The following ENTPD1 variants were observed in gnomAD, a reference collection of about 807,000 sequenced individuals.
The protein encoded by ENTPD1 is ectonucleoside triphosphate diphosphohydrolase 1, also known as ATP diphosphohydrolase.
Under a neutral mutation model 57.0 loss-of-function variants are expected in ENTPD1, and 33 were observed. The ratio of observed to expected loss-of-function variants is 0.58; its 90% confidence interval spans 0.44 to 0.77. The LOEUF is 0.77. Among genes scored for constraint, ENTPD1 ranks in the 30% least tolerant of loss-of-function variants. The pLI, the probability that ENTPD1 is intolerant of heterozygous loss-of-function variation, is 0.00. For missense variants in ENTPD1, 501 were observed against 603.4 expected, an observed-to-expected ratio of 0.83 and a Z score of 1.78; for synonymous variants, 202 against 218.8, an observed-to-expected ratio of 0.92 and a Z score of 0.68.
chr10:95,756,580 A>T (rs1252503633), intron 1 of ENTPD1: 2 of 342,756 alleles, frequency 5.8e-6, no homozygotes, highest in African/African-American at 4.2e-5. Flanking sequence ...CAGCTGCCTC[A>T]TCTGCAGTCC....
intron 6 of ENTPD1, among the ~76,000 whole-genome samples, chr10:95,846,809 G>A (rs754823426): frequency 1.1e-4 from 17 of 151,892 alleles, no homozygotes; most frequent in Non-Finnish European, 2.2e-4. Context: ...CCAACATGGC[G>A]ACACCCCGTC....
chr10:95,759,405 AT>A (rs556659103), intron 1 of ENTPD1, among the ~76,000 whole-genome samples: 2 of 152,188 alleles, frequency 1.3e-5, no homozygotes, highest in Non-Finnish European at 2.9e-5. Context: ...CAAACTGGAG[AT>A]TTCAGATGCC....
At chr10:95,751,629 C>T (rs1217551857), upstream of ENTPD1, among the ~76,000 whole-genome samples, 2 of 151,386 alleles carry the variant, frequency 1.3e-5, no homozygotes, top group Non-Finnish European at 2.9e-5. Context: ...GCACAAGAAT[C>T]GCTTGAACCT....
chr10:95,701,308 TA>T, the ENTPD1 span, among the ~76,000 whole-genome samples: 2 of 152,264 alleles, frequency 1.3e-5, no homozygotes, highest in Middle Eastern at 3.4e-3. Flanking sequence ...AATATAAAGA[TA>T]AAAATAAAAT....
intron 1 of ENTPD1, among the ~76,000 whole-genome samples, chr10:95,739,098 T>G (rs541137532): frequency 6.6e-6 from 1 of 152,348 alleles, no homozygotes; most frequent in East Asian, 1.9e-4. Context: ...TTAAAAATAC[T>G]TTATTGTTAA....
At chr10:95,739,523 C>A (rs188677182) in intron 1 of ENTPD1, among the ~76,000 whole-genome samples, 3 of 152,348 alleles carry the variant, frequency 2.0e-5, no homozygotes, top group African/African-American at 7.2e-5. Context: ...AAGTCCTCAT[C>A]TGCTCCATTT....
chr10:95,709,140 G>C (rs185857587), upstream of ENTPD1, among the ~76,000 whole-genome samples: 503 of 152,238 alleles, frequency 3.3e-3, 2 homozygotes, highest in African/African-American at 0.011. Flanking sequence ...GAGCAATCCT[G>C]TGTACCCTCA....
chr10:95,773,489 A>G (rs1386798099), intron 1 of ENTPD1, among the ~76,000 whole-genome samples: 1 of 152,164 alleles, frequency 6.6e-6, no homozygotes, highest in Non-Finnish European at 1.5e-5. Flanking sequence ...AAACAGATTT[A>G]TGGTCATCCA....
At chr10:95,807,088 C>G (rs375498922) in intron 1 of ENTPD1, among the ~76,000 whole-genome samples, 43 of 152,208 alleles carry the variant, frequency 2.8e-4, no homozygotes, top group African/African-American at 1.0e-3. Context: ...TGTCTGCTGC[C>G]TTTTGTTCAG....
intron 1 of ENTPD1, among the ~76,000 whole-genome samples, chr10:95,728,594 T>C (rs1369404762): frequency 6.6e-6 from 1 of 152,186 alleles, no homozygotes; most frequent in African/African-American, 2.4e-5. Context: ...AGGTTTCTAG[T>C]ATTGCACTAA....
intron 1 of ENTPD1, among the ~76,000 whole-genome samples, chr10:95,734,217 A>G (rs1384021593): frequency 6.6e-6 from 1 of 152,220 alleles, no homozygotes; most frequent in Non-Finnish European, 1.5e-5. Context: ...CTATAGATGC[A>G]CTTTCCCCAG....
intron 1 of ENTPD1, among the ~76,000 whole-genome samples, chr10:95,767,333 A>G (rs1404473961): frequency 6.8e-6 from 1 of 147,688 alleles, no homozygotes; most frequent in Non-Finnish European, 1.5e-5. Context: ...AAAAAAAAAA[A>G]GAAAGAAAAA....
intron 1 of ENTPD1, among the ~76,000 whole-genome samples, chr10:95,740,166 C>T (rs778158009): frequency 9.9e-5 from 15 of 152,162 alleles, no homozygotes; most frequent in Non-Finnish European, 2.2e-4. Flanking sequence ...GTCTCTGTCA[C>T]CCAGGCTAGA....
intron 1 of ENTPD1, among the ~76,000 whole-genome samples, chr10:95,821,563 T>C (rs540224193): frequency 6.6e-6 from 1 of 152,280 alleles, no homozygotes; most frequent in South Asian, 2.1e-4. Flanking sequence ...ATCCCTGAGC[T>C]TGGGGGAAAG....
chr10:95,772,783 T>A (rs1026505567), intron 1 of ENTPD1, among the ~76,000 whole-genome samples: 1 of 152,222 alleles, frequency 6.6e-6, no homozygotes, highest in Non-Finnish European at 1.5e-5. Context: ...GGCTTTCAAT[T>A]TACTTTGCCC....
rs2098483180 is a variant in ENTPD1 at position 95,873,955 on chromosome 10, A to G, written c.*7572A>G. Among the ~76,000 whole-genome samples, 1 of 152,166 alleles carries G rather than the reference A, an allele frequency of 6.6e-6. No individual in the cohort carries two copies. The highest frequency in any genetic ancestry group is 1.5e-5 in the Non-Finnish European group (1 of 68,028). On this transcript the variant is annotated 3_prime_UTR_variant, in exon 10 of 10. Transcript: ENST00000371205. Reference sequence around the variant, plus strand: ...AGAAAAGACTGGCCTCCATGATTCAATTACCTCCCACTGCGTCCCTCCCAC... The same window carrying G: ...AGAAAAGACTGGCCTCCATGATTCAGTTACCTCCCACTGCGTCCCTCCCAC...
rs769650895 is a variant in ENTPD1 at position 95,868,685 on chromosome 10, G to GT, written c.*2302_*2303insT. 1.1e-4 allele frequency: 109 copies of GT among 979,758 alleles called. No individual in the cohort carries two copies. Among genetic ancestry groups the GT allele is most frequent in the Non-Finnish European group, 1.2e-4 (103 of 824,930 alleles). The allele number at this position is 979,758 out of a possible 1,614,324, so 60.7% of individuals were successfully genotyped here. ...GGATCACACAAACTACTACATGGCAGAGCAGATACTCCAACTCATGTCTTC... is the reference window on the plus strand; with the variant it reads ...GGATCACACAAACTACTACATGGCAGTAGCAGATACTCCAACTCATGTCTTC... On this transcript the variant is annotated 3_prime_UTR_variant, in exon 10 of 10. Transcript: ENST00000371205.
At chr10:95,720,630 C>G (rs1336392336) in intron 1 of ENTPD1, among the ~76,000 whole-genome samples, 1 of 152,174 alleles carries the variant, frequency 6.6e-6, no homozygotes, top group African/African-American at 2.4e-5. Context: ...ATGGCATGGG[C>G]TGGTGCTTGC....
In ENTPD1 at chr10:95,873,428, G is replaced by A. The variant is rs2098482551; in HGVS notation, c.*7045G>A. ...TGGAGACCAGCACCTCATACTCAGT[G>A]AAGGCCTGGAGTGCTTAAGAGGGAT... On this transcript the variant is annotated 3_prime_UTR_variant, in exon 10 of 10. Coordinates refer to ENST00000371205, the MANE Select transcript of ENTPD1 (RefSeq NM_001776.6). 4 of 985,536 alleles carry A rather than the reference G, an allele frequency of 4.1e-6. No individual in the cohort carries two copies. The highest frequency in any genetic ancestry group is 4.8e-6 in the Non-Finnish European group (4 of 830,022). The allele number at this position is 985,536 out of a possible 1,614,324, so 61.0% of individuals were successfully genotyped here.
Sources: allele counts gnomAD v4.1 joint callset (sites outside exome capture counted in the v4.1 genomes callset), GRCh38; gene constraint gnomAD v4.1.1; transcripts MANE v1.5; gene names NCBI Gene and HGNC (gene_info 2026-07-23, HGNC 2026-07-21).